CAMK1G: variants seen among roughly 807,000 people sequenced by gnomAD.
The protein encoded by CAMK1G is calcium/calmodulin-dependent protein kinase type 1G.
A neutral mutation model predicts 54.8 loss-of-function variants in CAMK1G; 27 were observed. That is an observed-to-expected ratio of 0.49 (90% CI 0.36 to 0.68). The LOEUF (loss-of-function observed/expected upper bound fraction) is 0.68, where lower values mean the gene tolerates loss of function less well. CAMK1G is among the 30% of genes least tolerant of loss of function. CAMK1G has a pLI of 0.00. For synonymous variants in CAMK1G, 238 were observed against 224.9 expected, an observed-to-expected ratio of 1.06 and a Z score of -0.52; for missense variants, 512 against 591.0, an observed-to-expected ratio of 0.87 and a Z score of 1.39.
At chr1:209,604,330 G>C (rs17014866) in intron 4 of CAMK1G, among the ~76,000 whole-genome samples, 20,765 of 152,164 alleles carry the variant, frequency 0.14, 1,487 homozygotes, top group Middle Eastern at 0.17. Context: ...TTAGCACACA[G>C]TAATTCAGAA....
At position 209,607,677 on chromosome 1, in the gene CAMK1G, AG is replaced by A. The variant is rs1665684530; in HGVS notation, c.560-179del. The A allele has an allele frequency of 9.1e-6, 5 of 549,298 alleles. No homozygotes were observed. In the Admixed American group the frequency reaches 1.7e-4, roughly 18 times the overall value. 34.0% of individuals were successfully genotyped at this position (549,298 alleles called of 1,614,324 possible). A position where few individuals can be genotyped will look rare whatever the true frequency, so the allele number is the denominator to read the frequency against. On this transcript the variant is annotated intron_variant, in intron 6 of 12. Transcript: ENST00000361322. ...TGCAGAAGTCACAGTCTCTCTTTTC[AG>A]GAAGATTTAGTCTTCCCAGAAGAGA...
chr1:209,603,190 C>T, intron 3 of CAMK1G, 24 bp from the exon 4 acceptor site: 1 of 1,613,508 alleles, frequency 6.2e-7, no homozygotes, highest in Non-Finnish European at 8.5e-7. Context: ...ACATACCTTT[C>T]ATCATGCACT....
chr1:209,597,899 A>G (rs1260343503), intron 2 of CAMK1G, among the ~76,000 whole-genome samples: 1 of 152,218 alleles, frequency 6.6e-6, no homozygotes, highest in East Asian at 1.9e-4. Context: ...TGATGATAAT[A>G]ATAGTATCTA....
intron 1 of CAMK1G, among the ~76,000 whole-genome samples, chr1:209,588,877 G>A (rs1665174598): frequency 6.6e-6 from 1 of 152,206 alleles, no homozygotes; most frequent in African/African-American, 2.4e-5. Context: ...GCCACTGGGA[G>A]CATGGAAAGG....
intron 3 of CAMK1G, among the ~76,000 whole-genome samples, chr1:209,601,859 T>C (rs1181083420): frequency 1.3e-5 from 2 of 152,208 alleles, no homozygotes; most frequent in East Asian, 1.9e-4. Flanking sequence ...AAGAGACACA[T>C]ACTTTTCAGA....
At chr1:209,598,874 G>T (rs183468809) in intron 2 of CAMK1G, among the ~76,000 whole-genome samples, 2 of 152,310 alleles carry the variant, frequency 1.3e-5, no homozygotes, top group African/African-American at 4.8e-5. Context: ...AAAGCCAAAG[G>T]AGAAGAGCTG....
intron 1 of CAMK1G, among the ~76,000 whole-genome samples, chr1:209,590,914 A>C (rs1252938956): frequency 6.6e-6 from 1 of 152,040 alleles, no homozygotes; most frequent in South Asian, 2.1e-4. Flanking sequence ...ACCTGATAAG[A>C]TTAACATGCA....
At chr1:209,606,478 G>C in intron 6 of CAMK1G, 35 bp downstream of exon 6, 1 of 1,607,472 alleles carries the variant, frequency 6.2e-7, no homozygotes, top group East Asian at 2.2e-5. Flanking sequence ...TTGACCAGTT[G>C]GCTACATTCA....
At chr1:209,608,710 A>G (rs1389373184) in intron 7 of CAMK1G, among the ~76,000 whole-genome samples, 1 of 152,192 alleles carries the variant, frequency 6.6e-6, no homozygotes, top group African/African-American at 2.4e-5. Context: ...TAAGTCAGGG[A>G]AAGTATAAGG....
intron 7 of CAMK1G, among the ~76,000 whole-genome samples, chr1:209,608,316 C>T (rs561516721): frequency 6.6e-6 from 1 of 152,278 alleles, no homozygotes; most frequent in East Asian, 1.9e-4. Flanking sequence ...ACCCTCTGTT[C>T]CTACATCTCA....
chr1:209,600,660 A>C (rs1400362356), intron 3 of CAMK1G, among the ~76,000 whole-genome samples: 2 of 152,258 alleles, frequency 1.3e-5, no homozygotes, highest in Non-Finnish European at 2.9e-5. Context: ...TCAGGAGCCT[A>C]TGCTGGATAC....
chr1:209,606,449 T>G lies in CAMK1G; in HGVS notation c.559+6T>G. ...TGGGACCCCAGGCTACGTGGGTAAG[T>G]CTGGGAGCAGGAGGAAGGTTGACCA... On this transcript the variant is annotated splice_donor_region_variant and intron_variant, in intron 6 of 12. Transcript: ENST00000361322. The G allele has an allele frequency of 6.2e-7, 1 of 1,613,262 alleles. No individual in the cohort carries two copies. The highest frequency in any genetic ancestry group is 8.5e-7 in the Non-Finnish European group (1 of 1,179,560).
Position 209,612,770 on chromosome 1 carries a change from T to A in CAMK1G, c.1341-15T>A. On this transcript the variant is annotated splice_polypyrimidine_tract_variant and intron_variant, in intron 11 of 12. Transcript: ENST00000361322. ...CTCAAATACTTCAAAGGTTGTTGCT[T>A]CATTTCCTTTCTAGGAACTTCAAGT... 6.2e-7 allele frequency: 1 copy of A among 1,612,564 alleles called. No individual in the cohort carries two copies. The highest frequency in any genetic ancestry group is 8.5e-7 in the Non-Finnish European group (1 of 1,178,734).
At chr1:209,606,500 A>G (rs1213857757) in intron 6 of CAMK1G, 57 bp downstream of exon 6, 1 of 1,580,626 alleles carries the variant, frequency 6.3e-7, no homozygotes, top group African/African-American at 1.3e-5. Context: ...CCACATGCCT[A>G]TCATTCATAG....
In CAMK1G at chr1:209,613,141, C is replaced by G. The variant is rs1253841752; in HGVS notation, c.*139C>G. ...AGGGCTTAGCAGGAGCAGTTTCTGG[C>G]CAGAAGCACCAGCCTGCTGCCAGCG... is the stretch of plus-strand genomic sequence containing the variant. On this transcript the variant is annotated 3_prime_UTR_variant, in exon 13 of 13. Transcript: ENST00000361322. The G allele has an allele frequency of 4.5e-5, 16 of 354,292 alleles. No individual in the cohort carries two copies. In the East Asian group the frequency reaches 8.5e-4, roughly 19 times the overall value. 21.9% of individuals were successfully genotyped at this position (354,292 alleles called of 1,614,324 possible). A position where few individuals can be genotyped will look rare whatever the true frequency, so the allele number is the denominator to read the frequency against.
intron 1 of CAMK1G, among the ~76,000 whole-genome samples, chr1:209,585,854 T>A (rs1390032808): frequency 6.6e-6 from 1 of 152,174 alleles, no homozygotes; most frequent in Non-Finnish European, 1.5e-5. Flanking sequence ...GCAGCATGAA[T>A]GAGGGGAGCG....
intron 2 of CAMK1G, among the ~76,000 whole-genome samples, chr1:209,597,753 G>A (rs1571777709): frequency 6.6e-6 from 1 of 152,302 alleles, no homozygotes; most frequent in South Asian, 2.1e-4. Context: ...AGTCCTTATA[G>A]AAGCTTGACT....
rs557460435 is a variant in CAMK1G at position 209,603,348 on chromosome 1, G to A, written c.296+60G>A. 104 of 1,404,424 alleles carry A rather than the reference G, an allele frequency of 7.4e-5. No individual in the cohort carries two copies. The African/African-American group carries it at 1.3e-3, about 18-fold the overall frequency. The allele number at this position is 1,404,424 out of a possible 1,614,324, so 87.0% of individuals were successfully genotyped here. A position where few individuals can be genotyped will look rare whatever the true frequency, so the allele number is the denominator to read the frequency against. ...CCTGGTGGGGCCTGGGAGGCCTACA[G>A]GAGGTTGGTCGCTGGTGAGGGATGG... is the stretch of plus-strand genomic sequence containing the variant. On this transcript the variant is annotated intron_variant, in intron 4 of 12. Coordinates refer to ENST00000361322, the MANE Select transcript of CAMK1G (RefSeq NM_020439.3).
intron 1 of CAMK1G, among the ~76,000 whole-genome samples, chr1:209,588,100 A>G (rs961483420): frequency 2.6e-5 from 4 of 152,208 alleles, no homozygotes; most frequent in African/African-American, 7.2e-5. Context: ...ACTATGCCCC[A>G]GAGTGATTCA....
Sources: gnomAD v4.1 joint callset for allele counts (sites outside exome capture counted in the v4.1 genomes callset) on GRCh38, gnomAD v4.1.1 for gene constraint, MANE v1.5 for transcripts, NCBI Gene and HGNC (gene_info 2026-07-23, HGNC 2026-07-21) for gene names.